Variants in CTNNA3 observed in about 807,000 individuals in gnomAD.
The protein encoded by CTNNA3 is catenin alpha-3.
In CTNNA3, 76 loss-of-function variants were observed where a neutral mutation model predicts 95.7. The ratio of observed to expected loss-of-function variants is 0.79; its 90% CI spans 0.66 to 0.96. The LOEUF (loss-of-function observed/expected upper bound fraction) is 0.96, where lower values mean the gene tolerates loss of function less well. Among genes scored for constraint, CTNNA3 ranks in the 40% least tolerant of loss-of-function variants. The probability of loss-of-function intolerance (pLI) is 0.00; values close to 1 mark genes in which losing one functional copy is unlikely to be tolerated. For synonymous variants in CTNNA3, 431 were observed against 374.4 expected, an observed-to-expected ratio of 1.15 and a Z score of -1.74; for missense variants, 1,191 against 1,089.8, an observed-to-expected ratio of 1.09 and a Z score of -1.31.
At chr10:66,458,498 G>A in intron 11 of CTNNA3, among the ~76,000 whole-genome samples, 1 of 152,094 alleles carries the variant, frequency 6.6e-6, no homozygotes, top group Non-Finnish European at 1.5e-5. Flanking sequence ...CATTCACATT[G>A]TTTCACAACC....
At chr10:67,423,443 A>C (rs1489090565) in intron 5 of CTNNA3, among the ~76,000 whole-genome samples, 1 of 152,130 alleles carries the variant, frequency 6.6e-6, no homozygotes, top group Non-Finnish European at 1.5e-5. Context: ...GTTTCAAGGA[A>C]CTCGCTTTGC....
intron 12 of CTNNA3, among the ~76,000 whole-genome samples, chr10:66,344,257 TTTG>T (rs1049920158): frequency 1.3e-4 from 20 of 150,792 alleles, no homozygotes; most frequent in South Asian, 6.3e-4. Flanking sequence ...GCAATGTGTT[TTTG>T]TTGTTGTTGT....
At chr10:67,459,017 A>C (rs1284611025) in intron 5 of CTNNA3, among the ~76,000 whole-genome samples, 5 of 152,210 alleles carry the variant, frequency 3.3e-5, no homozygotes, top group Non-Finnish European at 4.4e-5. Flanking sequence ...AGCATCAAAC[A>C]ATAGTTTTAA....
At chr10:67,340,276 CA>C (rs1842139003) in intron 5 of CTNNA3, among the ~76,000 whole-genome samples, 1 of 151,742 alleles carries the variant, frequency 6.6e-6, no homozygotes, top group African/African-American at 2.4e-5. Flanking sequence ...CAGAATATTC[CA>C]AAATAAAAGT....
chr10:66,313,898 T>C (rs1281119446), intron 12 of CTNNA3, among the ~76,000 whole-genome samples: 1 of 152,210 alleles, frequency 6.6e-6, no homozygotes, highest in Non-Finnish European at 1.5e-5. Context: ...CTGAAATATT[T>C]CCCTTGTCTA....
In CTNNA3 at chr10:67,237,122, G is replaced by GTATATATATA. The variant is rs769498914; in HGVS notation, c.580-17253_580-17252insTATATATATA. On this transcript the variant is annotated intron_variant, in intron 5 of 17. Coordinates refer to ENST00000433211, the MANE Select transcript of CTNNA3 (RefSeq NM_013266.4). ...AATGAGTGGATAAAGAAACTATGGTGTATGTATATATATATATATATATAT... is the reference window on the plus strand; with the variant it reads ...AATGAGTGGATAAAGAAACTATGGTGTATATATATATATGTATATATATATATATATATAT... Among the ~76,000 whole-genome samples the GTATATATATA allele has an allele frequency of 2.5e-3, 197 of 79,624 alleles. 54 individuals are homozygous for GTATATATATA. The highest frequency in any genetic ancestry group is 4.2e-3 in the Non-Finnish European group (147 of 34,810). The allele number at this position is 79,624 out of a possible 152,430, so 52.2% of individuals were successfully genotyped here.
At chr10:67,240,563 C>T (rs1465431250) in intron 5 of CTNNA3, among the ~76,000 whole-genome samples, 5 of 152,130 alleles carry the variant, frequency 3.3e-5, no homozygotes, top group Admixed American at 2.6e-4. Flanking sequence ...TACTACTTTT[C>T]TATCCTTATT....
intron 7 of CTNNA3, among the ~76,000 whole-genome samples, chr10:67,101,888 C>T (rs1366122308): frequency 6.6e-6 from 1 of 151,686 alleles, no homozygotes; most frequent in Non-Finnish European, 1.5e-5. Context: ...AAAACCAATA[C>T]CTGATGTGAA....
chr10:65,948,280 C>CAAAAAAAAAA (rs56966630), intron 17 of CTNNA3, among the ~76,000 whole-genome samples: 4 of 97,730 alleles, frequency 4.1e-5, no homozygotes, highest in Admixed American at 1.0e-4. Flanking sequence ...GACTCCATCT[C>CAAAAAAAAAA]AAAAAAAAAA....
In CTNNA3 at chr10:67,502,597, C is replaced by A. The variant is rs184095991; in HGVS notation, c.579+19245G>T. Among the ~76,000 whole-genome samples, 6 of 152,274 alleles carry A rather than the reference C, an allele frequency of 3.9e-5. No individual in the cohort carries two copies. In the East Asian group the frequency reaches 1.2e-3, roughly 29 times the overall value. ...CACCCCTTCCCCCAGGTGCTCTGTC[C>A]CAGGGAGATGGGTATTTTATCTATA... On this transcript the variant is annotated intron_variant, in intron 5 of 17. Coordinates refer to ENST00000433211, the MANE Select transcript of CTNNA3 (RefSeq NM_013266.4).
At chr10:66,472,546 T>C (rs540477548) in intron 11 of CTNNA3, among the ~76,000 whole-genome samples, 1 of 151,986 alleles carries the variant, frequency 6.6e-6, no homozygotes, top group Non-Finnish European at 1.5e-5. Context: ...AATATATTTT[T>C]AAAGTTATAT....
intron 11 of CTNNA3, among the ~76,000 whole-genome samples, chr10:66,429,022 A>G (rs1259773671): frequency 6.6e-6 from 1 of 152,120 alleles, no homozygotes; most frequent in Non-Finnish European, 1.5e-5. Flanking sequence ...CTAATAAAGA[A>G]GAAAAGAGAG....
chr10:66,324,152 T>G (rs958575537), intron 12 of CTNNA3, among the ~76,000 whole-genome samples: 5 of 151,716 alleles, frequency 3.3e-5, no homozygotes, highest in African/African-American at 1.2e-4. Context: ...AAGCCTCATC[T>G]CTACTAAAAA....
chr10:66,393,755 C>A (rs1027352158), intron 11 of CTNNA3, among the ~76,000 whole-genome samples: 1 of 151,944 alleles, frequency 6.6e-6, no homozygotes, highest in South Asian at 2.1e-4. Context: ...TTGTTTAATT[C>A]TCATAATAAT....
intron 7 of CTNNA3, among the ~76,000 whole-genome samples, chr10:67,126,529 C>T (rs1859730565): frequency 6.6e-6 from 1 of 152,096 alleles, no homozygotes; most frequent in Admixed American, 6.6e-5. Flanking sequence ...CCAGCCTGGG[C>T]AACAGAGCGA....
At chr10:67,146,750 T>C (rs1860865681) in intron 7 of CTNNA3, among the ~76,000 whole-genome samples, 1 of 152,180 alleles carries the variant, frequency 6.6e-6, no homozygotes, top group Admixed American at 6.5e-5. Context: ...TCTGGAAACA[T>C]CATGTACTAT....
At chr10:65,956,814 T>A (rs1469182336) in intron 17 of CTNNA3, among the ~76,000 whole-genome samples, 2 of 152,144 alleles carry the variant, frequency 1.3e-5, no homozygotes, top group African/African-American at 4.8e-5. Context: ...CCAACTATGT[T>A]GTCAATTTTG....
At chr10:66,421,269 T>C (rs2093190811) in intron 11 of CTNNA3, among the ~76,000 whole-genome samples, 1 of 152,144 alleles carries the variant, frequency 6.6e-6, no homozygotes, top group African/African-American at 2.4e-5. Context: ...ACTGGGTTGG[T>C]AGCGGAGGGT....
At chr10:66,066,710 T>G (rs2080320341) in intron 15 of CTNNA3, among the ~76,000 whole-genome samples, 1 of 152,184 alleles carries the variant, frequency 6.6e-6, no homozygotes. Flanking sequence ...TCACTGCACA[T>G]AATCTTTGGA....
Sources: gnomAD v4.1 joint callset for allele counts (sites outside exome capture counted in the v4.1 genomes callset) on GRCh38, gnomAD v4.1.1 for gene constraint, MANE v1.5 for transcripts, NCBI Gene and HGNC (gene_info 2026-07-23, HGNC 2026-07-21) for gene names.